LOC128462377: variants seen among roughly 807,000 people sequenced by gnomAD.
chr16:89,382,461 G>A, the LOC128462377 span, among the ~76,000 whole-genome samples: 2 of 152,018 alleles, frequency 1.3e-5, no homozygotes, highest in African/African-American at 4.8e-5. Context: ...GAATAGCTGG[G>A]ATCACAGGTG....
At chr16:89,345,323 C>T in the LOC128462377 span, among the ~76,000 whole-genome samples, 1 of 150,196 alleles carries the variant, frequency 6.7e-6, no homozygotes, top group East Asian at 2.0e-4. Context: ...CTCGACCCCA[C>T]AGAGCTCAGT....
the LOC128462377 span, among the ~76,000 whole-genome samples, chr16:89,389,469 TTAG>T: frequency 6.6e-6 from 1 of 151,110 alleles, no homozygotes; most frequent in Non-Finnish European, 1.5e-5. Context: ...GAAGGCAAAA[TTAG>T]TAGATGGAGA....
the LOC128462377 span, among the ~76,000 whole-genome samples, chr16:89,380,791 C>T: frequency 1.2e-4 from 19 of 152,230 alleles, no homozygotes; most frequent in Non-Finnish European, 2.5e-4. Flanking sequence ...AGCAGGGCTG[C>T]GTAACCACCA....
At chr16:89,371,433 T>C in the LOC128462377 span, among the ~76,000 whole-genome samples, 1 of 152,190 alleles carries the variant, frequency 6.6e-6, no homozygotes, top group Non-Finnish European at 1.5e-5. Flanking sequence ...GCTCGGTGCA[T>C]GGAGGCCAGA....
the LOC128462377 span, chr16:89,418,166 G>A: frequency 1.9e-5 from 8 of 411,922 alleles, no homozygotes; most frequent in Non-Finnish European, 3.5e-5. Context: ...ACAACATTTC[G>A]ACAAAACTCT....
chr16:89,317,403 G>A, the LOC128462377 span, among the ~76,000 whole-genome samples: 9 of 152,158 alleles, frequency 5.9e-5, no homozygotes, highest in Non-Finnish European at 1.3e-4. Flanking sequence ...GTCCCACCTG[G>A]TACAGGCTAC....
At chr16:89,393,568 C>T in the LOC128462377 span, among the ~76,000 whole-genome samples, 332 of 151,240 alleles carry the variant, frequency 2.2e-3, 2 homozygotes, top group Middle Eastern at 6.8e-3. Flanking sequence ...CTCGAACTCC[C>T]GACCTCAGAG....
At chr16:89,402,262 G>A in the LOC128462377 span, among the ~76,000 whole-genome samples, 5 of 152,152 alleles carry the variant, frequency 3.3e-5, no homozygotes, top group Admixed American at 2.6e-4. Context: ...TACACGTGAC[G>A]TACGCCAGTT....
chr16:89,368,531 T>G, the LOC128462377 span, among the ~76,000 whole-genome samples: 1 of 151,628 alleles, frequency 6.6e-6, no homozygotes, highest in African/African-American at 2.4e-5. Context: ...AGAGCTTCTT[T>G]TGTGCAGCAT....
the LOC128462377 span, among the ~76,000 whole-genome samples, chr16:89,364,768 A>C: frequency 6.6e-6 from 1 of 152,198 alleles, no homozygotes; most frequent in Non-Finnish European, 1.5e-5. Context: ...TCCCTGTCAG[A>C]CTGTAAACAC....
the LOC128462377 span, among the ~76,000 whole-genome samples, chr16:89,390,128 T>G: frequency 6.1e-3 from 123 of 20,126 alleles, no homozygotes; most frequent in Non-Finnish European, 6.4e-3. Context: ...GAGTGTGGCG[T>G]GGAGCACAGA....
the LOC128462377 span, among the ~76,000 whole-genome samples, chr16:89,410,723 G>A: frequency 6.6e-6 from 1 of 152,216 alleles, no homozygotes; most frequent in African/African-American, 2.4e-5. Flanking sequence ...CAAAAGCTAT[G>A]AAAGCATCCT....
the LOC128462377 span, among the ~76,000 whole-genome samples, chr16:89,382,365 A>G: frequency 6.6e-6 from 1 of 152,016 alleles, no homozygotes; most frequent in Non-Finnish European, 1.5e-5. Flanking sequence ...TCGTTCTGTC[A>G]CCCAGGCTGG....
the LOC128462377 span, among the ~76,000 whole-genome samples, chr16:89,380,803 G>A: frequency 1.3e-5 from 2 of 152,260 alleles, no homozygotes; most frequent in African/African-American, 2.4e-5. Context: ...TAACCACCAC[G>A]AGCACTGGGG....
the LOC128462377 span, chr16:89,324,327 G>T: frequency 8.1e-7 from 1 of 1,227,318 alleles, no homozygotes; most frequent in Non-Finnish European, 1.1e-6. Flanking sequence ...CAGCAGTCGG[G>T]GCGACGTGGG....
the LOC128462377 span, among the ~76,000 whole-genome samples, chr16:89,334,673 C>T: frequency 4.7e-4 from 71 of 152,074 alleles, no homozygotes; most frequent in African/African-American, 1.6e-3. Flanking sequence ...TCCACGAGGG[C>T]CCAGGAGCAA....
chr16:89,366,686 A>C, the LOC128462377 span, among the ~76,000 whole-genome samples: 1 of 152,118 alleles, frequency 6.6e-6, no homozygotes. Flanking sequence ...ACATGTCTAG[A>C]CAGAGGTGCG....
At chr16:89,388,586 G>T in the LOC128462377 span, among the ~76,000 whole-genome samples, 1 of 152,160 alleles carries the variant, frequency 6.6e-6, no homozygotes, top group Non-Finnish European at 1.5e-5. Flanking sequence ...CTCTGACTGG[G>T]AATAAGGATC....
the LOC128462377 span, among the ~76,000 whole-genome samples, chr16:89,331,731 C>A: frequency 1.3e-5 from 2 of 152,218 alleles, no homozygotes; most frequent in African/African-American, 4.8e-5. Context: ...AGGGATCCTC[C>A]TGCCTCAGCC....
Sources: allele counts gnomAD v4.1 joint callset (sites outside exome capture counted in the v4.1 genomes callset), GRCh38; gene constraint gnomAD v4.1.1; transcripts MANE v1.5.